The following STPG2 variants were observed in gnomAD, a reference collection of about 807,000 sequenced individuals.
STPG2 encodes sperm tail PG-rich repeat containing 2, also known as sperm-tail PG-rich repeat-containing protein 2.
A neutral mutation model predicts 54.2 loss-of-function variants in STPG2; 56 were observed. The observed-to-expected ratio is 1.03, with a 90% CI of 0.83 to 1.29. STPG2 has a LOEUF of 1.29. Among genes scored for constraint, STPG2 ranks in the 50% most tolerant of loss-of-function variants. STPG2 has a pLI of 0.00. For missense variants in STPG2, 596 were observed against 544.9 expected (o/e 1.09, Z -0.93); for synonymous variants, 200 against 181.8 (o/e 1.10, Z -0.81).
chr4:97,778,627 C>T (rs894434846), intron 9 of STPG2, among the ~76,000 whole-genome samples: 6 of 152,210 alleles, frequency 3.9e-5, no homozygotes, highest in Admixed American at 3.9e-4. Context: ...AATGGACAGA[C>T]TGCCTCCCCA....
chr4:97,656,975 T>G, intron 10 of STPG2, among the ~76,000 whole-genome samples: 1 of 152,144 alleles, frequency 6.6e-6, no homozygotes, highest in East Asian at 1.9e-4. Context: ...CATAGCCATA[T>G]TTGGTATATT....
At chr4:97,709,072 T>A (rs1013104067) in intron 10 of STPG2, among the ~76,000 whole-genome samples, 1 of 151,814 alleles carries the variant, frequency 6.6e-6, no homozygotes, top group Non-Finnish European at 1.5e-5. Context: ...TAAAATGTGA[T>A]GTGAAGTCTG....
At chr4:98,101,562 G>A (rs1309582080) in intron 5 of STPG2, among the ~76,000 whole-genome samples, 1 of 152,050 alleles carries the variant, frequency 6.6e-6, no homozygotes, top group Admixed American at 6.6e-5. Context: ...CAGAAAACTG[G>A]CCAGTCATCA....
chr4:97,902,138 T>C (rs1002229593), intron 8 of STPG2, among the ~76,000 whole-genome samples: 1 of 151,918 alleles, frequency 6.6e-6, no homozygotes, highest in African/African-American at 2.4e-5. Flanking sequence ...TAACACCATA[T>C]AAAAAGATCA....
At chr4:98,013,090 T>C (rs1034125921) in intron 5 of STPG2, among the ~76,000 whole-genome samples, 3 of 152,208 alleles carry the variant, frequency 2.0e-5, no homozygotes, top group Non-Finnish European at 4.4e-5. Flanking sequence ...TGTTGGTTTG[T>C]TATAAATGGC....
chr4:97,887,395 G>T (rs1730617809), intron 8 of STPG2, among the ~76,000 whole-genome samples: 1 of 152,140 alleles, frequency 6.6e-6, no homozygotes, highest in Non-Finnish European at 1.5e-5. Context: ...TTGGGAACTG[G>T]AGTAACAATC....
intron 5 of STPG2, among the ~76,000 whole-genome samples, chr4:98,087,986 T>C (rs1321418256): frequency 6.6e-6 from 1 of 152,164 alleles, no homozygotes; most frequent in South Asian, 2.1e-4. Flanking sequence ...TAATATAACA[T>C]CATAAATGCC....
chr4:97,564,609 C>G lies in STPG2; in HGVS notation c.1321-5492G>C, dbSNP rs536221643. Among the ~76,000 whole-genome samples the G allele has an allele frequency of 4.1e-4, 63 of 152,132 alleles. 1 individual carries two copies. Among genetic ancestry groups the G allele is most frequent in the African/African-American group, 1.4e-3 (58 of 41,510 alleles). The stretch of plus-strand genomic sequence containing the variant: ...TCCATGTTTAGTGCTTCCTTCAGGA[C>G]CTCTTTTAGGGCAGGCCTGGTGGTG... On this transcript the variant is annotated intron_variant, in intron 10 of 10. Coordinates refer to ENST00000295268, the MANE Select transcript of STPG2 (RefSeq NM_174952.3).
chr4:97,692,418 A>G lies in STPG2; in HGVS notation c.1320+20281T>C, dbSNP rs1426728081. Reference sequence around the variant, plus strand: ...AAATGCACTGGAAAGTCTCAGCAATAGAATCGAACAAGAAAAAGAAAGAAA... The same window carrying G: ...AAATGCACTGGAAAGTCTCAGCAATGGAATCGAACAAGAAAAAGAAAGAAA... On this transcript the variant is annotated intron_variant, in intron 10 of 10. Transcript: ENST00000295268. Among the ~76,000 whole-genome samples the G allele has an allele frequency of 2.0e-5, 3 of 152,250 alleles. No homozygotes were observed. The East Asian group carries it at 5.8e-4, about 29-fold the overall frequency.
At chr4:97,854,208 G>T (rs1729257232) in intron 8 of STPG2, among the ~76,000 whole-genome samples, 1 of 152,120 alleles carries the variant, frequency 6.6e-6, no homozygotes, top group Non-Finnish European at 1.5e-5. Flanking sequence ...ATGTCTACCA[G>T]TAGTAAAGGT....
intron 9 of STPG2, among the ~76,000 whole-genome samples, chr4:97,718,024 A>T (rs988980954): frequency 6.6e-6 from 1 of 152,052 alleles, no homozygotes; most frequent in African/African-American, 2.4e-5. Flanking sequence ...TCAAGGCAAA[A>T]AAGTAGAATA....
At chr4:97,865,164 A>C (rs1268714797) in intron 8 of STPG2, among the ~76,000 whole-genome samples, 2 of 152,162 alleles carry the variant, frequency 1.3e-5, no homozygotes, top group Non-Finnish European at 2.9e-5. Flanking sequence ...CAACCTACAG[A>C]ATGGGAGAAA....
intron 8 of STPG2, among the ~76,000 whole-genome samples, chr4:97,871,880 G>A (rs1196537971): frequency 6.6e-6 from 1 of 150,866 alleles, no homozygotes; most frequent in East Asian, 1.9e-4. Context: ...TGAAAATGAT[G>A]CAAAAATACT....
At chr4:97,583,052 T>C (rs567061894) in intron 10 of STPG2, among the ~76,000 whole-genome samples, 57 of 152,148 alleles carry the variant, frequency 3.7e-4, no homozygotes, top group Admixed American at 2.4e-3. Flanking sequence ...ATTACTGTGA[T>C]TCTACTTGTT....
intron 7 of STPG2, among the ~76,000 whole-genome samples, chr4:97,952,778 G>A (rs1046253096): frequency 6.6e-6 from 1 of 152,156 alleles, no homozygotes; most frequent in Non-Finnish European, 1.5e-5. Context: ...TGGTCACATG[G>A]ACAGACTCAG....
intron 3 of STPG2, among the ~76,000 whole-genome samples, chr4:98,115,269 G>T (rs1475677317): frequency 1.3e-5 from 2 of 151,878 alleles, no homozygotes; most frequent in African/African-American, 4.8e-5. Flanking sequence ...TTTCCAGTGT[G>T]GCAGCACACA....
chr4:97,446,178 A>G, intron 4 of STPG2, among the ~76,000 whole-genome samples: 1 of 152,222 alleles, frequency 6.6e-6, no homozygotes. Context: ...TATTTGTATT[A>G]AAAAGATAGG....
At chr4:97,970,214 G>T (rs1734275143) in intron 7 of STPG2, among the ~76,000 whole-genome samples, 1 of 152,162 alleles carries the variant, frequency 6.6e-6, no homozygotes, top group South Asian at 2.1e-4. Context: ...AATCAATATT[G>T]TGAAAATGGC....
chr4:97,723,976 AG>A (rs1724540680), intron 9 of STPG2, among the ~76,000 whole-genome samples: 1 of 152,232 alleles, frequency 6.6e-6, no homozygotes, highest in African/African-American at 2.4e-5. Context: ...AAACCATATC[AG>A]TAAGTTTGTC....
Sources: allele counts gnomAD v4.1 joint callset (sites outside exome capture counted in the v4.1 genomes callset), GRCh38; gene constraint gnomAD v4.1.1; transcripts MANE v1.5; gene names NCBI Gene and HGNC (gene_info 2026-07-23, HGNC 2026-07-21).